Variants in PRDM16 observed in about 807,000 individuals in gnomAD.
PRDM16 encodes the protein histone-lysine N-methyltransferase PRDM16.
Under a neutral mutation model 110.6 loss-of-function variants are expected in PRDM16, and 23 were observed. The observed-to-expected ratio is 0.21, with a 90% CI of 0.15 to 0.29. The LOEUF is 0.29. Among genes scored for constraint, PRDM16 ranks in the 10% least tolerant of loss-of-function variants. The pLI, the probability that PRDM16 is intolerant of heterozygous loss-of-function variation, is 1.00. For synonymous variants in PRDM16, 799 were observed against 781.8 expected (o/e 1.02, Z -0.37); for missense variants, 1,615 against 1,794.3 (o/e 0.90, Z 1.81).
intron 3 of PRDM16, among the ~76,000 whole-genome samples, chr1:3,347,342 C>G (rs1642380579): frequency 6.6e-6 from 1 of 152,230 alleles, no homozygotes; most frequent in South Asian, 2.1e-4. Context: ...TCAGGGCCTC[C>G]ATGCATGCTG....
chr1:3,232,065 C>T (rs766643588), intron 2 of PRDM16, among the ~76,000 whole-genome samples: 11 of 152,206 alleles, frequency 7.2e-5, no homozygotes, highest in Admixed American at 7.2e-4. Flanking sequence ...ACGGTGGTCT[C>T]GAGTTCGCAG....
chr1:3,159,665 G>A (rs1196818282), intron 1 of PRDM16, among the ~76,000 whole-genome samples: 4 of 152,224 alleles, frequency 2.6e-5, no homozygotes, highest in Non-Finnish European at 4.4e-5. Flanking sequence ...CGGGTGGGTG[G>A]TGGGCCAGTG....
At chr1:3,392,082 A>T (rs1411335539) in intron 4 of PRDM16, among the ~76,000 whole-genome samples, 1 of 152,256 alleles carries the variant, frequency 6.6e-6, no homozygotes, top group African/African-American at 2.4e-5. Context: ...ACCAAAATGC[A>T]GGGGACGATC....
intron 1 of PRDM16, among the ~76,000 whole-genome samples, chr1:3,141,634 A>T (rs754366949): frequency 6.6e-6 from 1 of 152,212 alleles, no homozygotes; most frequent in Non-Finnish European, 1.5e-5. Flanking sequence ...GCGGGCCACA[A>T]CGTGGTGGCA....
intron 2 of PRDM16, among the ~76,000 whole-genome samples, chr1:3,193,250 C>T (rs1389314862): frequency 6.6e-6 from 1 of 152,214 alleles, no homozygotes; most frequent in Non-Finnish European, 1.5e-5. Context: ...TCCTGCCCGT[C>T]CCGCCTCCAG....
At position 3,435,396 on chromosome 1, in the gene PRDM16, T is replaced by C; in HGVS notation, c.*1585T>C. ...CGTGTGGGAGTGGGGCGATTTTTTA[T>C]GTGCCAAATACCCCCGTCCCCCCCA... On this transcript the variant is annotated 3_prime_UTR_variant, in exon 17 of 17. Coordinates refer to ENST00000270722, the MANE Select transcript of PRDM16 (RefSeq NM_022114.4). 4.3e-6 allele frequency: 1 copy of C among 231,332 alleles called. No homozygotes were observed. Among genetic ancestry groups the C allele is most frequent in the Non-Finnish European group, 8.6e-6 (1 of 116,888 alleles). 14.3% of individuals were successfully genotyped at this position (231,332 alleles called of 1,614,324 possible).
chr1:3,388,436 G>A (rs1482486155), intron 4 of PRDM16, among the ~76,000 whole-genome samples: 6 of 152,274 alleles, frequency 3.9e-5, no homozygotes, highest in East Asian at 3.9e-4. Flanking sequence ...AATGGTATTC[G>A]GCAGGGAAAA....
At chr1:3,368,919 A>C (rs140566685) in intron 3 of PRDM16, among the ~76,000 whole-genome samples, 2 of 152,264 alleles carry the variant, frequency 1.3e-5, no homozygotes, top group Non-Finnish European at 2.9e-5. Flanking sequence ...AATTCCGGGT[A>C]ATCGGCCGCA....
rs371218297 is a variant in PRDM16 at position 3,079,127 on chromosome 1, G to A, written c.37+9831G>A. On this transcript the variant is annotated intron_variant, in intron 1 of 16. Transcript: ENST00000270722. ...CTCATTTTACTCCCTGCTGCCCACC[G>A]CCTCCCTGGTGGAGCCGCGTCCCGG... is the stretch of plus-strand genomic sequence containing the variant. Among the ~76,000 whole-genome samples, 54 of 152,364 alleles carry A rather than the reference G, an allele frequency of 3.5e-4. 3 individuals carry two copies. The South Asian group carries it at 0.011, about 30-fold the overall frequency.
chr1:3,199,407 T>C (rs538887356), intron 2 of PRDM16, among the ~76,000 whole-genome samples: 43 of 152,274 alleles, frequency 2.8e-4, no homozygotes, highest in African/African-American at 9.1e-4. Context: ...CCCTTGCCAG[T>C]GGGGCTCTGC....
intron 3 of PRDM16, among the ~76,000 whole-genome samples, chr1:3,377,475 AT>A (rs1643012635): frequency 6.6e-6 from 1 of 152,224 alleles, no homozygotes; most frequent in African/African-American, 2.4e-5. Flanking sequence ...TATGCAAAAA[AT>A]GTAAAGGTTA....
chr1:3,402,860 A>G lies in PRDM16; in HGVS notation c.746A>G (p.Lys249Arg), dbSNP rs541077599. ...FQSKLDLRRH[K>R]KYTCGSVGAA... is the part of the protein sequence containing the mutation. ...TCCAAGCTGGACCTGCGGCGCCATA[A>G]GAAGTACACGTGTGGCTCAGTGGGG... Residue 249 changes from lysine to arginine, a missense_variant, in exon 6 of 17, where the codon AAG becomes AGG. Physicochemically the swap from Lys to Arg is conservative, Grantham distance 26. Coordinates refer to ENST00000270722, the MANE Select transcript of PRDM16 (RefSeq NM_022114.4). The G allele has an allele frequency of 1.1e-5, 17 of 1,613,098 alleles. No individual in the cohort carries two copies. In the Admixed American group the frequency reaches 1.8e-4, roughly 17 times the overall value.
intron 3 of PRDM16, among the ~76,000 whole-genome samples, chr1:3,284,281 C>T (rs1016273497): frequency 3.9e-5 from 6 of 152,206 alleles, no homozygotes; most frequent in African/African-American, 4.8e-5. Context: ...AAGAGTCAAA[C>T]GTTTTCGGCC....
intron 3 of PRDM16, among the ~76,000 whole-genome samples, chr1:3,345,344 C>T (rs572120692): frequency 6.6e-6 from 1 of 152,198 alleles, no homozygotes; most frequent in African/African-American, 2.4e-5. Flanking sequence ...AGAAGCTACT[C>T]TACCACTGTG....
chr1:3,323,552 G>A (rs1641812203), intron 3 of PRDM16, among the ~76,000 whole-genome samples: 1 of 152,230 alleles, frequency 6.6e-6, no homozygotes, highest in Non-Finnish European at 1.5e-5. Context: ...AAGTCCGTGA[G>A]GATCAGGGGC....
At chr1:3,211,030 A>T (rs1638871457) in intron 2 of PRDM16, among the ~76,000 whole-genome samples, 1 of 152,186 alleles carries the variant, frequency 6.6e-6, no homozygotes, top group Admixed American at 6.5e-5. Flanking sequence ...TCATACATTT[A>T]TTAGTTTAGA....
chr1:3,401,356 C>T (rs912825356), intron 5 of PRDM16, among the ~76,000 whole-genome samples: 5 of 152,198 alleles, frequency 3.3e-5, no homozygotes, highest in African/African-American at 7.2e-5. Flanking sequence ...TTTGAGTCAA[C>T]GTTCAGACCA....
intron 3 of PRDM16, among the ~76,000 whole-genome samples, chr1:3,384,005 C>T (rs1395494743): frequency 6.6e-6 from 1 of 151,260 alleles, no homozygotes; most frequent in African/African-American, 2.4e-5. Context: ...AGGAACACAC[C>T]TGCCCACCCA....
intron 1 of PRDM16, among the ~76,000 whole-genome samples, chr1:3,112,772 C>G (rs564043724): frequency 9.2e-5 from 14 of 152,378 alleles, no homozygotes; most frequent in South Asian, 2.1e-4. Flanking sequence ...CTTGCATTGG[C>G]AAATCCGTCT....
Sources: gnomAD v4.1 joint callset for allele counts (sites outside exome capture counted in the v4.1 genomes callset) on GRCh38, gnomAD v4.1.1 for gene constraint, MANE v1.5 for transcripts, NCBI Gene and HGNC (gene_info 2026-07-23, HGNC 2026-07-21) for gene names.